RERG: variants seen among roughly 807,000 people sequenced by gnomAD.
RERG encodes the protein RAS like estrogen regulated growth inhibitor, also known as ras-related and estrogen-regulated growth inhibitor.
RERG carries 25 observed loss-of-function variants against 23.2 expected under a neutral mutation model. That is an observed-to-expected ratio of 1.08 (90% CI 0.79 to 1.50). RERG has a LOEUF of 1.50. Ranked by LOEUF, RERG falls within the 40% of genes most tolerant of loss-of-function variation. RERG has a pLI of 0.00. For synonymous variants in RERG, 81 were observed against 89.1 expected (o/e 0.91, Z 0.51); for missense variants, 253 against 250.1 (o/e 1.01, Z -0.08).
At chr12:15,110,445 T>TCCAGTGG (rs1380487701) in intron 4 of RERG, among the ~76,000 whole-genome samples, 1 of 147,262 alleles carries the variant, frequency 6.8e-6, no homozygotes, top group African/African-American at 2.5e-5. Flanking sequence ...TTTCTGTCAT[T>TCCAGTGG]CCAGTGGCCA....
At chr12:15,195,509 T>G (rs941862848) in intron 2 of RERG, among the ~76,000 whole-genome samples, 1 of 151,278 alleles carries the variant, frequency 6.6e-6, no homozygotes, top group Non-Finnish European at 1.5e-5. Flanking sequence ...TAACTTCCCA[T>G]GGAAAATTTC....
At chr12:15,192,222 T>C (rs117290017) in intron 2 of RERG, among the ~76,000 whole-genome samples, 1 of 152,280 alleles carries the variant, frequency 6.6e-6, no homozygotes, top group East Asian at 1.9e-4. Context: ...TCTCTCTTGC[T>C]CCTGCTCCTG....
chr12:15,145,002 C>T (rs1011888940), intron 2 of RERG, among the ~76,000 whole-genome samples: 1 of 152,000 alleles, frequency 6.6e-6, no homozygotes, highest in African/African-American at 2.4e-5. Context: ...TTCTTTTTTC[C>T]ATTCCTTCTC....
intron 2 of RERG, among the ~76,000 whole-genome samples, chr12:15,146,387 C>A (rs1864333128): frequency 6.6e-6 from 1 of 152,108 alleles, no homozygotes; most frequent in African/African-American, 2.4e-5. Flanking sequence ...CAGACATCAT[C>A]CCAGCATAAT....
chr12:15,211,718 T>C (rs1442576163), intron 2 of RERG, among the ~76,000 whole-genome samples: 2 of 152,188 alleles, frequency 1.3e-5, no homozygotes, highest in Non-Finnish European at 1.5e-5. Context: ...CTTGAGGGGA[T>C]GGACATGCTA....
chr12:15,134,947 C>T (rs906958999), intron 2 of RERG, among the ~76,000 whole-genome samples: 18 of 152,076 alleles, frequency 1.2e-4, no homozygotes, highest in African/African-American at 1.9e-4. Flanking sequence ...TTGATATCCA[C>T]GATACAATTT....
At chr12:15,188,383 T>C (rs527432616) in intron 2 of RERG, among the ~76,000 whole-genome samples, 23 of 152,160 alleles carry the variant, frequency 1.5e-4, no homozygotes, top group Non-Finnish European at 2.9e-4. Flanking sequence ...TCTACAGATA[T>C]ATTCAGAAAG....
At chr12:15,207,101 A>T (rs549755573) in intron 2 of RERG, among the ~76,000 whole-genome samples, 66 of 152,276 alleles carry the variant, frequency 4.3e-4, no homozygotes, top group African/African-American at 1.5e-3. Context: ...ACCAGTTGTA[A>T]GTTACCCAAA....
chr12:15,190,211 T>C (rs1447909712), intron 2 of RERG, among the ~76,000 whole-genome samples: 1 of 152,166 alleles, frequency 6.6e-6, no homozygotes, highest in African/African-American at 2.4e-5. Context: ...TCCTCAGGGT[T>C]CCAGGGGTGT....
intron 2 of RERG, among the ~76,000 whole-genome samples, chr12:15,202,896 A>C (rs1302809862): frequency 1.3e-5 from 2 of 151,794 alleles, no homozygotes; most frequent in Admixed American, 1.3e-4. Context: ...TAGTGGTTGC[A>C]CCATTTTATA....
intron 2 of RERG, among the ~76,000 whole-genome samples, chr12:15,163,642 G>A (rs1340928079): frequency 6.6e-6 from 1 of 152,140 alleles, no homozygotes; most frequent in Non-Finnish European, 1.5e-5. Flanking sequence ...CCAAAATGAT[G>A]AAAAACCTGA....
chr12:15,202,126 A>G (rs535223406), intron 2 of RERG, among the ~76,000 whole-genome samples: 1 of 151,818 alleles, frequency 6.6e-6, no homozygotes, highest in Non-Finnish European at 1.5e-5. Context: ...TATAATTAAT[A>G]GGTGAAAAAA....
Position 15,174,979 on chromosome 12 carries a change from A to T in RERG, c.61+42450T>A, listed in dbSNP as rs116805889. Among the ~76,000 whole-genome samples the T allele has an allele frequency of 8.5e-3, 1,293 of 152,128 alleles. 19 individuals carry two copies. The highest frequency in any genetic ancestry group is 0.03 in the African/African-American group (1,225 of 41,522). ...TTGGGATCCCTCAGGGCCAGTTTCC[A>T]TTGACTCCTATTTTCCTGTGTATGG... is the stretch of plus-strand genomic sequence containing the variant. On this transcript the variant is annotated intron_variant, in intron 2 of 4. Coordinates refer to ENST00000256953, the MANE Select transcript of RERG (RefSeq NM_032918.3).
chr12:15,194,267 C>T (rs1031894493), intron 2 of RERG, among the ~76,000 whole-genome samples: 2 of 152,048 alleles, frequency 1.3e-5, no homozygotes, highest in Non-Finnish European at 2.9e-5. Flanking sequence ...ACATTCCAGG[C>T]CTTGCTGTTA....
intron 2 of RERG, among the ~76,000 whole-genome samples, chr12:15,139,014 CTTTTTTTT>C (rs34755371): frequency 1.6e-4 from 8 of 51,126 alleles, no homozygotes; most frequent in African/African-American, 3.6e-4. Flanking sequence ...TGTGTCTAGA[CTTTTTTTT>C]TTTTTTTTTT....
intron 2 of RERG, among the ~76,000 whole-genome samples, chr12:15,215,052 G>C (rs1425464455): frequency 6.6e-6 from 1 of 152,216 alleles, no homozygotes; most frequent in Non-Finnish European, 1.5e-5. Flanking sequence ...AATTGTTAAA[G>C]ATATGTAGTC....
intron 2 of RERG, among the ~76,000 whole-genome samples, chr12:15,157,372 A>AAAGCT: frequency 6.6e-6 from 1 of 152,324 alleles, no homozygotes; most frequent in Non-Finnish European, 1.5e-5. Context: ...CCTATGACAA[A>AAAGCT]ATGTCAAGAG....
chr12:15,149,725 A>G (rs1246398074), intron 2 of RERG, among the ~76,000 whole-genome samples: 1 of 152,226 alleles, frequency 6.6e-6, no homozygotes, highest in East Asian at 1.9e-4. Flanking sequence ...GCCTATTTGT[A>G]CTAAATAGCC....
At chr12:15,131,357 C>T (rs543578527) in intron 2 of RERG, among the ~76,000 whole-genome samples, 74 of 151,878 alleles carry the variant, frequency 4.9e-4, no homozygotes, top group African/African-American at 1.8e-3. Flanking sequence ...ACTAAATTTC[C>T]CAAGTCAGTG....
Sources: allele counts gnomAD v4.1 joint callset (sites outside exome capture counted in the v4.1 genomes callset), GRCh38; gene constraint gnomAD v4.1.1; transcripts MANE v1.5; gene names NCBI Gene and HGNC (gene_info 2026-07-23, HGNC 2026-07-21).